The following MAP3K9 variants were observed in gnomAD, a reference collection of about 807,000 sequenced individuals.
The protein encoded by MAP3K9 is mitogen-activated protein kinase kinase kinase 9.
Under a neutral mutation model 95.8 loss-of-function variants are expected in MAP3K9, and 46 were observed. The observed-to-expected ratio is 0.48, with a 90% CI of 0.38 to 0.61. The LOEUF (loss-of-function observed/expected upper bound fraction) is 0.61. Ranked by LOEUF, MAP3K9 falls within the 20% of genes least tolerant of loss-of-function variation. MAP3K9 has a pLI of 0.00. For missense variants in MAP3K9, 1,296 were observed against 1,474.3 expected (o/e 0.88, Z 1.98); for synonymous variants, 533 against 593.8 (o/e 0.90, Z 1.49).
At chr14:70,787,446 T>G (rs1191296162) in intron 2 of MAP3K9, among the ~76,000 whole-genome samples, 1 of 150,616 alleles carries the variant, frequency 6.6e-6, no homozygotes, top group African/African-American at 2.5e-5. Context: ...AGGCAGAGGT[T>G]GCAGCAAGCC....
intron 3 of MAP3K9, among the ~76,000 whole-genome samples, chr14:70,759,911 C>T (rs2054348114): frequency 6.6e-6 from 1 of 152,080 alleles, no homozygotes; most frequent in Non-Finnish European, 1.5e-5. Flanking sequence ...CATGCCACCA[C>T]ACCTGGATAC....
At chr14:70,790,806 A>AT (rs2054799453) in intron 2 of MAP3K9, among the ~76,000 whole-genome samples, 1 of 152,070 alleles carries the variant, frequency 6.6e-6, no homozygotes, top group South Asian at 2.1e-4. Context: ...TAGAAGCTAC[A>AT]TTTTTCTCCT....
chr14:70,746,366 T>C (rs2054147001), intron 5 of MAP3K9, among the ~76,000 whole-genome samples: 1 of 152,226 alleles, frequency 6.6e-6, no homozygotes. Flanking sequence ...TGGAGGACCC[T>C]TAGACATGTT....
chr14:70,774,647 T>C (rs2054572561), intron 2 of MAP3K9, among the ~76,000 whole-genome samples: 1 of 150,654 alleles, frequency 6.6e-6, no homozygotes, highest in Admixed American at 6.6e-5. Context: ...CTAGCCTGCG[T>C]GACAGAGAGA....
chr14:70,735,869 G>T, intron 9 of MAP3K9, 92 bp downstream of exon 9: 1 of 1,018,476 alleles, frequency 9.8e-7, no homozygotes. Context: ...GCAATAACGA[G>T]GCTTGATTCT....
At chr14:70,744,799 A>G (rs1242194334) in intron 5 of MAP3K9, among the ~76,000 whole-genome samples, 2 of 152,164 alleles carry the variant, frequency 1.3e-5, no homozygotes, top group African/African-American at 4.8e-5. Context: ...TGCTAGGGGG[A>G]GAGCTGAAGC....
intron 5 of MAP3K9, among the ~76,000 whole-genome samples, chr14:70,743,720 G>C (rs2054107415): frequency 6.6e-6 from 1 of 152,202 alleles, no homozygotes; most frequent in Non-Finnish European, 1.5e-5. Flanking sequence ...TGCTGGAGAG[G>C]ATGTGGAGAA....
intron 2 of MAP3K9, chr14:70,783,277 G>T (rs879615854): frequency 0.021 from 20,365 of 978,410 alleles, 290 homozygotes; most frequent in Non-Finnish European, 0.023. Flanking sequence ...TGGGAAGGAA[G>T]ACGGCATCCT....
Position 70,725,006 on chromosome 14 carries a change from G to A in MAP3K9, c.*5374C>T, listed in dbSNP as rs1158615102. ...TAGGTGATGAGTGCTTTCAAAGAGG[G>A]CAGGTCAGACCAGACAGGTAGGAAG... On this transcript the variant is annotated 3_prime_UTR_variant, in exon 12 of 12. Transcript: ENST00000554752. 1 of 152,374 alleles carries A rather than the reference G, an allele frequency of 6.6e-6. No homozygotes were observed. Among genetic ancestry groups the A allele is most frequent in the South Asian group, 2.1e-4 (1 of 4,836 alleles). The allele number at this position is 152,374 out of a possible 1,614,324, so 9.4% of individuals were successfully genotyped here.
intron 5 of MAP3K9, among the ~76,000 whole-genome samples, chr14:70,742,911 T>TATATA (rs2054094808): frequency 1.3e-4 from 18 of 143,110 alleles, no homozygotes; most frequent in African/African-American, 3.1e-4. Flanking sequence ...TTATATATAT[T>TATATA]TATATATATA....
intron 5 of MAP3K9, among the ~76,000 whole-genome samples, chr14:70,746,377 G>C (rs2054147254): frequency 6.6e-6 from 1 of 152,206 alleles, no homozygotes. Flanking sequence ...TAGACATGTT[G>C]AATCTCCTAC....
At chr14:70,739,183 G>A (rs748362798) in intron 7 of MAP3K9, among the ~76,000 whole-genome samples, 11 of 152,154 alleles carry the variant, frequency 7.2e-5, no homozygotes, top group South Asian at 2.1e-4. Context: ...ATGCTGGAAC[G>A]CAGTGGCGCA....
chr14:70,755,672 T>G (rs2054289377), intron 3 of MAP3K9, among the ~76,000 whole-genome samples: 1 of 152,238 alleles, frequency 6.6e-6, no homozygotes, highest in Non-Finnish European at 1.5e-5. Flanking sequence ...AGAGACCATT[T>G]GGAGCTACTT....
Position 70,750,669 on chromosome 14 carries a change from G to C in MAP3K9, c.1002-588C>G, listed in dbSNP as rs143735888. Among the ~76,000 whole-genome samples the C allele has an allele frequency of 2.0e-4, 31 of 152,154 alleles. 1 individual carries two copies. In the East Asian group the frequency reaches 5.8e-3, roughly 28 times the overall value. ...CCGGCTAATTTTTGTATTTTTAGTA[G>C]AGACAGGGTTTCACCACACTGGCCA... On this transcript the variant is annotated intron_variant, in intron 3 of 11. Transcript: ENST00000554752.
intron 2 of MAP3K9, among the ~76,000 whole-genome samples, chr14:70,768,142 CTA>C (rs1027423315): frequency 7.2e-5 from 11 of 151,978 alleles, no homozygotes; most frequent in African/African-American, 2.2e-4. Flanking sequence ...TTAAAAATAA[CTA>C]AAGTATAATT....
Position 70,730,149 on chromosome 14 carries a change from C to T in MAP3K9, c.*231G>A, listed in dbSNP as rs1246688971. On this transcript the variant is annotated 3_prime_UTR_variant, in exon 12 of 12. Transcript: ENST00000554752. ...TGCATGCACCCCTTCCTCCCCTACA[C>T]AGCCAGAGCTGATGGCCACAGCCCC... The T allele has an allele frequency of 3.5e-6, 2 of 575,242 alleles. No homozygotes were observed. The highest frequency in any genetic ancestry group is 6.0e-6 in the Non-Finnish European group (2 of 332,430). The allele number at this position is 575,242 out of a possible 1,614,324, so 35.6% of individuals were successfully genotyped here.
chr14:70,784,228 A>G (rs944045835), intron 2 of MAP3K9, among the ~76,000 whole-genome samples: 1 of 151,950 alleles, frequency 6.6e-6, no homozygotes, highest in Non-Finnish European at 1.5e-5. Flanking sequence ...GGCTGCAGCA[A>G]GCTGAGATCG....
chr14:70,735,614 C>T (rs567325609), intron 9 of MAP3K9, among the ~76,000 whole-genome samples: 66 of 152,310 alleles, frequency 4.3e-4, no homozygotes, highest in Admixed American at 1.3e-3. Flanking sequence ...ACTCTCGTAA[C>T]ATCACTTCCA....
intron 8 of MAP3K9, 98 bp from the exon 9 acceptor site, chr14:70,736,127 C>T (rs1379039972): frequency 6.3e-6 from 5 of 788,928 alleles, no homozygotes; most frequent in Admixed American, 3.5e-5. Flanking sequence ...CACACCACAT[C>T]GCCAGCTGCC....
Sources: allele counts gnomAD v4.1 joint callset (sites outside exome capture counted in the v4.1 genomes callset), GRCh38; gene constraint gnomAD v4.1.1; transcripts MANE v1.5; gene names NCBI Gene and HGNC (gene_info 2026-07-23, HGNC 2026-07-21).